PRUNE2: variants seen among roughly 807,000 people sequenced by gnomAD.
The protein encoded by PRUNE2 is protein prune homolog 2.
Under a neutral mutation model 252.0 loss-of-function variants are expected in PRUNE2, and 164 were observed. That is an observed-to-expected ratio of 0.65 (90% CI 0.57 to 0.74). The LOEUF is 0.74. Ranked by LOEUF, PRUNE2 falls within the 30% of genes least tolerant of loss-of-function variation. The pLI is 0.00. For missense variants in PRUNE2, 3,495 were observed against 3,711.0 expected, an observed-to-expected ratio of 0.94 and a Z score of 1.51; for synonymous variants, 1,292 against 1,350.2, an observed-to-expected ratio of 0.96 and a Z score of 0.94.
At chr9:76,803,889 C>T (rs2056744871) in intron 6 of PRUNE2, among the ~76,000 whole-genome samples, 1 of 152,188 alleles carries the variant, frequency 6.6e-6, no homozygotes, top group African/African-American at 2.4e-5. Context: ...ACCTGTGGAT[C>T]TGTCAGAGCT....
intron 6 of PRUNE2, among the ~76,000 whole-genome samples, chr9:76,803,861 C>T (rs1171636924): frequency 4.6e-5 from 7 of 152,186 alleles, no homozygotes; most frequent in South Asian, 2.1e-4. Flanking sequence ...TTTATACTGA[C>T]ACTTTGTCTC....
rs548848511 is a variant in PRUNE2, at chr9:76,694,722, G to A, written c.8276+8615C>T. Among the ~76,000 whole-genome samples, 4 of 151,946 alleles carry A rather than the reference G, an allele frequency of 2.6e-5. No individual in the cohort carries two copies. The South Asian group carries it at 8.3e-4, about 32-fold the overall frequency. ...AACTCAGAGTATGCTGGGCATTTGA[G>A]GAAATGCATTATTTTATTCATTATA... On this transcript the variant is annotated intron_variant, in intron 9 of 18. Coordinates refer to ENST00000376718, the MANE Select transcript of PRUNE2 (RefSeq NM_015225.3).
chr9:76,776,584 G>A (rs1043069507), intron 6 of PRUNE2, among the ~76,000 whole-genome samples: 7 of 131,780 alleles, frequency 5.3e-5, no homozygotes, highest in African/African-American at 1.5e-4. Flanking sequence ...GCACAATCTC[G>A]GCTCACTGCA....
intron 9 of PRUNE2, among the ~76,000 whole-genome samples, chr9:76,679,037 C>T (rs1001370515): frequency 2.0e-5 from 3 of 152,090 alleles, no homozygotes; most frequent in Non-Finnish European, 4.4e-5. Flanking sequence ...AGGCTGCCTG[C>T]ACTTGAATCT....
rs116544712 is a variant in PRUNE2 at position 76,721,180 on chromosome 9, G to C, written c.757-7459C>G. 4.5e-3 allele frequency among the ~76,000 whole-genome samples: 688 copies of C among 152,296 alleles called. 10 individuals carry two copies. The highest frequency in any genetic ancestry group is 0.016 in the African/African-American group (675 of 41,572). On this transcript the variant is annotated intron_variant, in intron 6 of 18. Transcript: ENST00000376718. ...ATTTTCTATCCTTAATTCCAAGTTA[G>C]ACTCAGTGAATGAGCTTCTGTCTGC...
At position 76,709,163 on chromosome 9, in the gene PRUNE2, A is replaced by T; in HGVS notation, c.3111T>A (p.His1037Gln). 6.2e-7 allele frequency: 1 copy of T among 1,613,944 alleles called. No homozygotes were observed. Among genetic ancestry groups the T allele is most frequent in the Non-Finnish European group, 8.5e-7 (1 of 1,179,872 alleles). The change falls in exon 8 of 19, where the codon CAT (histidine) becomes CAA (glutamine). Residue 1037 changes from histidine to glutamine, a missense_variant. Transcript: ENST00000376718. The stretch of plus-strand genomic sequence containing the variant: ...TATTTATTTCAGAACTGTTATCTGT[A>T]TGAGGTGAAGCCCACATGTCTAGGT... ...PGNLDMWASP[H>Q]TDNSSEINTT...
chr9:76,745,345 A>G (rs1449327010), intron 6 of PRUNE2, among the ~76,000 whole-genome samples: 1 of 152,178 alleles, frequency 6.6e-6, no homozygotes, highest in Non-Finnish European at 1.5e-5. Flanking sequence ...GACATAAACA[A>G]TTGCCAACCC....
intron 1 of PRUNE2, among the ~76,000 whole-genome samples, chr9:76,871,138 C>A (rs551582951): frequency 6.6e-6 from 1 of 151,920 alleles, no homozygotes; most frequent in South Asian, 2.1e-4. Context: ...AGGACCACCT[C>A]CCTCTCTGCC....
intron 6 of PRUNE2, among the ~76,000 whole-genome samples, chr9:76,750,311 G>T (rs116684061): frequency 3.3e-5 from 5 of 152,116 alleles, no homozygotes; most frequent in African/African-American, 9.7e-5. Flanking sequence ...CTTGTGATTG[G>T]CATGGAAGTT....
intron 12 of PRUNE2, among the ~76,000 whole-genome samples, chr9:76,642,551 T>C (rs768447405): frequency 1.3e-5 from 2 of 152,222 alleles, no homozygotes; most frequent in African/African-American, 2.4e-5. Flanking sequence ...GGCACTTCTC[T>C]ACTGGCCCGA....
At chr9:76,793,491 G>A (rs1166428635) in intron 6 of PRUNE2, among the ~76,000 whole-genome samples, 6 of 152,104 alleles carry the variant, frequency 3.9e-5, no homozygotes, top group Admixed American at 2.0e-4. Context: ...TCTCATTAGA[G>A]CCACTGATGG....
chr9:76,643,318 A>ATTTTAATT (rs1399347149), intron 12 of PRUNE2, among the ~76,000 whole-genome samples: 1 of 152,118 alleles, frequency 6.6e-6, no homozygotes, highest in Admixed American at 6.5e-5. Flanking sequence ...TGTGACAGAC[A>ATTTTAATT]TTTTAATTTT....
chr9:76,653,900 G>T (rs1848337066), intron 10 of PRUNE2, among the ~76,000 whole-genome samples: 1 of 152,104 alleles, frequency 6.6e-6, no homozygotes, highest in Non-Finnish European at 1.5e-5. Context: ...TTTAATAGAA[G>T]CAGAGCTGGA....
intron 6 of PRUNE2, among the ~76,000 whole-genome samples, chr9:76,818,524 T>G (rs2131864645): frequency 6.6e-6 from 1 of 152,272 alleles, no homozygotes; most frequent in South Asian, 2.1e-4. Flanking sequence ...TGAGTCACTT[T>G]ACCAGGATGC....
At chr9:76,772,642 T>C (rs1469241043) in intron 6 of PRUNE2, among the ~76,000 whole-genome samples, 8 of 152,160 alleles carry the variant, frequency 5.3e-5, no homozygotes, top group Non-Finnish European at 1.0e-4. Context: ...CAGTTCACTG[T>C]AGCCTTGGCC....
intron 4 of PRUNE2, among the ~76,000 whole-genome samples, chr9:76,837,790 G>A (rs1036409558): frequency 1.0e-5 from 1 of 96,104 alleles, no homozygotes; most frequent in African/African-American, 4.2e-5. Flanking sequence ...TTTTTTTTTT[G>A]AGACGGAGTC....
intron 9 of PRUNE2, among the ~76,000 whole-genome samples, chr9:76,683,802 T>C (rs1292410351): frequency 6.6e-6 from 1 of 152,026 alleles, no homozygotes; most frequent in Non-Finnish European, 1.5e-5. Context: ...TATATGTGCA[T>C]GTATTTATCT....
Position 76,705,016 on chromosome 9 carries a change from C to G in PRUNE2, c.7258G>C (p.Glu2420Gln), listed in dbSNP as rs1056815841. The change falls in exon 8 of 19, where the codon GAA (glutamate) becomes CAA (glutamine). Residue 2420 changes from glutamate (E) to glutamine (Q), a missense_variant. Physicochemically the swap from Glu to Gln is conservative, Grantham distance 29. Coordinates refer to ENST00000376718, the MANE Select transcript of PRUNE2 (RefSeq NM_015225.3). The stretch of plus-strand genomic sequence containing the variant: ...TCTGCTGCTCTGCATCCCAGAGATT[C>G]ATCCTCTGGAGACCCAGCTTCCTCT... ...TIEEAGSPED[E>Q]SLGCRAAEIV... 6 of 1,613,662 alleles carry G rather than the reference C, an allele frequency of 3.7e-6. No individual in the cohort carries two copies. The African/African-American group carries it at 4.0e-5, about 11-fold the overall frequency.
chr9:76,664,589 C>T lies in PRUNE2; in HGVS notation c.8277-9087G>A, dbSNP rs552867960. 1.6e-4 allele frequency among the ~76,000 whole-genome samples: 24 copies of T among 152,284 alleles called. 1 individual carries two copies. Among genetic ancestry groups the T allele is most frequent in the South Asian group, 4.2e-4 (2 of 4,818 alleles). On this transcript the variant is annotated intron_variant, in intron 9 of 18. Coordinates refer to ENST00000376718, the MANE Select transcript of PRUNE2 (RefSeq NM_015225.3). The stretch of plus-strand genomic sequence containing the variant: ...AGGCTGGAGCGCAATGGAGCGATCT[C>T]GGCTCACTCCAGTCTCCATCTCCTG...
Sources: allele counts gnomAD v4.1 joint callset (sites outside exome capture counted in the v4.1 genomes callset), GRCh38; gene constraint gnomAD v4.1.1; transcripts MANE v1.5; gene names NCBI Gene and HGNC (gene_info 2026-07-23, HGNC 2026-07-21).